Variants in NTMT1 observed in about 807,000 individuals in gnomAD.
NTMT1 encodes the protein N-terminal Xaa-Pro-Lys N-methyltransferase 1.
A neutral mutation model predicts 17.5 loss-of-function variants in NTMT1; 8 were observed. That is an observed-to-expected ratio of 0.46 (90% CI 0.27 to 0.82). NTMT1 has a LOEUF of 0.82. NTMT1 is among the 40% of genes least tolerant of loss of function. NTMT1 has a pLI of 0.15. For missense variants in NTMT1, 221 were observed against 303.5 expected (o/e 0.73, Z 2.02); for synonymous variants, 128 against 126.8 (o/e 1.01, Z -0.06).
rs1482266783 is a variant in NTMT1 at position 129,614,502 on chromosome 9, G to A, written c.-55+5324G>A. ...CTGTTGGGGACCCTGGGGGCTGCTGGATCCTGAGAAGAGGCTGGGCACACA... is the reference window on the plus strand; with the variant it reads ...CTGTTGGGGACCCTGGGGGCTGCTGAATCCTGAGAAGAGGCTGGGCACACA... On this transcript the variant is annotated intron_variant, in intron 1 of 3. Coordinates refer to the NTMT1 transcript ENST00000372486. The surrounding 1 kb of genome is among the most constrained non-coding windows in gnomAD (Gnocchi z 4.4). 6.6e-6 allele frequency among the ~76,000 whole-genome samples: 1 copy of A among 152,212 alleles called. No homozygotes were observed. Among genetic ancestry groups the A allele is most frequent in the African/African-American group, 2.4e-5 (1 of 41,444 alleles).
chr9:129,611,848 G>T (rs1410154302), intron 1 of NTMT1, among the ~76,000 whole-genome samples: 1 of 152,062 alleles, frequency 6.6e-6, no homozygotes, highest in African/African-American at 2.4e-5. Flanking sequence ...AACCACCTGG[G>T]CTCAAGCAAT....
intron 1 of NTMT1, among the ~76,000 whole-genome samples, chr9:129,629,660 C>A (rs1301824285): frequency 6.6e-6 from 1 of 152,134 alleles, no homozygotes; most frequent in Non-Finnish European, 1.5e-5. Context: ...GTGTTATGTG[C>A]AATATTTAGA....
Position 129,620,713 on chromosome 9 carries a change from CCGG to C in NTMT1, c.-55+11539_-55+11541del. 1 of 746,216 alleles carries C rather than the reference CCGG, an allele frequency of 1.3e-6. No homozygotes were observed. The highest frequency in any genetic ancestry group is 1.8e-6 in the Non-Finnish European group (1 of 545,370). 46.2% of individuals were successfully genotyped at this position (746,216 alleles called of 1,614,324 possible). On this transcript the variant is annotated intron_variant, in intron 1 of 3. Transcript: ENST00000372486. This position sits in a 1 kb window ranked among gnomAD's most constrained non-coding sequence, Gnocchi z 5.8. ...GCGGTGCGGGGTGAACGCCACCGGC[CCGG>C]CGGACAGCGAGTGGCTTCAGGCGAG...
chr9:129,635,073 G>A, intron 3 of NTMT1, 135 bp from the exon 4 acceptor site: 1 of 1,009,136 alleles, frequency 9.9e-7, no homozygotes, highest in Middle Eastern at 3.3e-4. Context: ...TCGGGACTGA[G>A]AGCCAATGAG....
chr9:129,611,844 C>A (rs1257057355), intron 1 of NTMT1, among the ~76,000 whole-genome samples: 1 of 152,082 alleles, frequency 6.6e-6, no homozygotes, highest in African/African-American at 2.4e-5. Flanking sequence ...CCTCAACCAC[C>A]TGGGCTCAAG....
chr9:129,620,205 G>C lies in NTMT1; in HGVS notation c.-55+11027G>C. On this transcript the variant is annotated intron_variant, in intron 1 of 3. Coordinates refer to the NTMT1 transcript ENST00000372486. The surrounding 1 kb of genome is among the most constrained non-coding windows in gnomAD (Gnocchi z 5.8). ...GCCACGCGCCTCCGGGGGCGCTCGC[G>C]CTCTCCAGGCCCTGGCTGCCTGGGC... The C allele has an allele frequency of 2.8e-6, 4 of 1,446,734 alleles. No homozygotes were observed. Among genetic ancestry groups the C allele is most frequent in the Non-Finnish European group, 2.7e-6 (3 of 1,096,414 alleles). The allele number at this position is 1,446,734 out of a possible 1,614,324, so 89.6% of individuals were successfully genotyped here.
In NTMT1 at chr9:129,620,837, G is replaced by A; in HGVS notation, c.-55+11659G>A. On this transcript the variant is annotated intron_variant, in intron 1 of 3. Coordinates refer to the NTMT1 transcript ENST00000372486. The surrounding 1 kb of genome is among the most constrained non-coding windows in gnomAD (Gnocchi z 5.8). ...GTGACGTTTAAATGAGCAAGTACAT[G>A]CCAGTCTTAGAACAGCAAGCTCGGT... The A allele has an allele frequency of 2.7e-6, 1 of 366,184 alleles. No homozygotes were observed. 22.7% of individuals were successfully genotyped at this position (366,184 alleles called of 1,614,324 possible). A position where few individuals can be genotyped will look rare whatever the true frequency, so the allele number is the denominator to read the frequency against.
At chr9:129,625,426 C>T (rs1345443762), upstream of NTMT1, among the ~76,000 whole-genome samples, 1 of 152,110 alleles carries the variant, frequency 6.6e-6, no homozygotes, top group Non-Finnish European at 1.5e-5. Context: ...TCAAAGCCCG[C>T]ACAACACACT....
chr9:129,634,997 T>G (rs774098314), intron 3 of NTMT1: 14 of 592,858 alleles, frequency 2.4e-5, no homozygotes, highest in African/African-American at 1.3e-4. Context: ...TGGCTTAATG[T>G]GTCTTTAGGT....
intron 1 of NTMT1, among the ~76,000 whole-genome samples, chr9:129,630,206 T>TA (rs1831089585): frequency 6.6e-6 from 1 of 152,058 alleles, no homozygotes; most frequent in Non-Finnish European, 1.5e-5. Flanking sequence ...GGTGCAGTGG[T>TA]TTCTGCCTGT....
At chr9:129,616,849 G>C (rs1348459165) in intron 1 of NTMT1, among the ~76,000 whole-genome samples, 1 of 152,124 alleles carries the variant, frequency 6.6e-6, no homozygotes, top group African/African-American at 2.4e-5. Flanking sequence ...GAGGCAGGCA[G>C]ATCAAAAGGT....
intron 2 of NTMT1, chr9:129,633,323 G>A (rs1281209290): frequency 3.6e-6 from 1 of 281,300 alleles, no homozygotes; most frequent in East Asian, 5.9e-5. Context: ...TCTCATGGCT[G>A]GCACTGGAGG....
In NTMT1 at chr9:129,626,183, G is replaced by C. The variant is rs1227286882; in HGVS notation, c.-167G>C. On this transcript the variant is annotated 5_prime_UTR_variant, in exon 1 of 4. Transcript: ENST00000372483. ...AAGGCAGCGCGCGCCGCGAGCTGTC[G>C]CGTCTGGTCGTGGTCTGGCGGAGCT... 6.6e-6 allele frequency: 1 copy of C among 152,180 alleles called. No homozygotes were observed. The highest frequency in any genetic ancestry group is 1.5e-5 in the Non-Finnish European group (1 of 68,026). 9.4% of individuals were successfully genotyped at this position (152,180 alleles called of 1,614,324 possible). A position where few individuals can be genotyped will look rare whatever the true frequency, so the allele number is the denominator to read the frequency against.
At chr9:129,630,619 G>A (rs532253883) in intron 1 of NTMT1, among the ~76,000 whole-genome samples, 2 of 152,128 alleles carry the variant, frequency 1.3e-5, no homozygotes, top group Non-Finnish European at 1.5e-5. Context: ...GACTGTACCC[G>A]AGTTCCATAT....
rs569423770 is a variant in NTMT1 at position 129,626,227 on chromosome 9, C to T, written c.-123C>T. ...CGGAGCTGCGGTTGGCTTGTGGCGT[C>T]TCCGCCGCCGCCGCCCTCCCTTCCT... On this transcript the variant is annotated 5_prime_UTR_variant, in exon 1 of 4. Transcript: ENST00000372483. 12 of 152,270 alleles carry T rather than the reference C, an allele frequency of 7.9e-5. No homozygotes were observed. Among genetic ancestry groups the T allele is most frequent in the African/African-American group, 2.9e-4 (12 of 41,558 alleles). The allele number at this position is 152,270 out of a possible 1,614,324, so 9.4% of individuals were successfully genotyped here.
chr9:129,611,342 C>A (rs1006726853), intron 1 of NTMT1, among the ~76,000 whole-genome samples: 2 of 152,212 alleles, frequency 1.3e-5, no homozygotes, highest in Non-Finnish European at 2.9e-5. Flanking sequence ...CTCCAGGGGG[C>A]TGGAACGCAG....
rs773934970 is a variant in NTMT1, at chr9:129,632,903, G to T, written c.162+38G>T. Reference sequence around the variant, plus strand: ...GGCGTGCTCTCCAGGAGAGGCTGTGGCTCTGGTGGCACTGCCGAGTCCATG... The same window carrying T: ...GGCGTGCTCTCCAGGAGAGGCTGTGTCTCTGGTGGCACTGCCGAGTCCATG... On this transcript the variant is annotated intron_variant, in intron 2 of 3. Coordinates refer to ENST00000372483, the MANE Select transcript of NTMT1 (RefSeq NM_014064.4). 2.0e-5 allele frequency: 32 copies of T among 1,601,510 alleles called. 1 individual carries two copies. In the South Asian group the frequency reaches 2.9e-4, roughly 14 times the overall value.
At chr9:129,619,510 C>CTT in intron 1 of NTMT1, 1 of 1,596,396 alleles carries the variant, frequency 6.3e-7, no homozygotes, top group Non-Finnish European at 8.6e-7. Context: ...TTATCCCGCC[C>CTT]ATCACTCACT....
Position 129,634,282 on chromosome 9 carries a change from G to A in NTMT1, c.391G>A (p.Val131Met), listed in dbSNP as rs199618234. ...CACCCCGGAGCCGGACTCTTACGAC[G>A]TGATCTGGATCCAGTGGGTGATAGG... is the stretch of plus-strand genomic sequence containing the variant. ...DFTPEPDSYDVIWIQWVIGHL... is the reference protein window; with the variant it reads ...DFTPEPDSYDMIWIQWVIGHL... The change falls in exon 3 of 4, where the codon GTG becomes ATG. Residue 131 changes from valine to methionine, a missense_variant. Physicochemically the swap from Val to Met is conservative, Grantham distance 21. Coordinates refer to ENST00000372483, the MANE Select transcript of NTMT1 (RefSeq NM_014064.4). 5.0e-6 allele frequency: 8 copies of A among 1,609,496 alleles called. No individual in the cohort carries two copies. Among genetic ancestry groups the A allele is most frequent in the African/African-American group, 1.3e-5 (1 of 74,860 alleles).
Sources: gnomAD v4.1 joint callset for allele counts (sites outside exome capture counted in the v4.1 genomes callset) on GRCh38, gnomAD v4.1.1 for gene constraint, Gnocchi (gnomAD v3.1) non-coding constraint, MANE v1.5 for transcripts, NCBI Gene and HGNC (gene_info 2026-07-23, HGNC 2026-07-21) for gene names.